The following UBR2 variants were observed in gnomAD, a reference collection of about 807,000 sequenced individuals.
UBR2 encodes the protein ubiquitin protein ligase E3 component n-recognin 2, also known as E3 ubiquitin-protein ligase UBR2.
In UBR2, 92 loss-of-function variants were observed where a neutral mutation model predicts 247.9. The ratio of observed to expected loss-of-function variants is 0.37; its 90% CI spans 0.31 to 0.44. The LOEUF is 0.44. UBR2 is among the 20% of genes least tolerant of loss of function. The pLI is 1.00. For synonymous variants in UBR2, 672 were observed against 693.5 expected, an observed-to-expected ratio of 0.97 and a Z score of 0.49; for missense variants, 1,613 against 2,112.6, an observed-to-expected ratio of 0.76 and a Z score of 4.64.
At chr6:42,670,436 G>C (rs1002974909) in intron 35 of UBR2, among the ~76,000 whole-genome samples, 196 bp downstream of exon 35, 2 of 152,176 alleles carry the variant, frequency 1.3e-5, no homozygotes, top group Admixed American at 1.3e-4. Flanking sequence ...CAGCAACAGA[G>C]AACTCTTGGT....
rs777863222 is a variant in UBR2, at chr6:42,658,026, C to G, written c.2875C>G (p.Pro959Ala). Residue 959 changes from proline (P) to alanine (A), a missense_variant and splice_region_variant, in exon 27 of 47, where the codon CCT (proline) becomes GCT (alanine). Pro to Ala is a conservative substitution (Grantham distance 27). Coordinates refer to ENST00000372901, the MANE Select transcript of UBR2 (RefSeq NM_001363705.2). The part of the protein sequence containing the change: ...TFTFTQKISK[P>A]GEAPKNSPSI... ...TGCCTTTTATTTTTCTGCCGTAGAA[C>G]CTGGTGAAGCGCCAAAAAATTCTCC... 6.2e-7 allele frequency: 1 copy of G among 1,612,578 alleles called. No individual in the cohort carries two copies. The highest frequency in any genetic ancestry group is 8.5e-7 in the Non-Finnish European group (1 of 1,178,924).
In UBR2 at chr6:42,564,214, C is replaced by T; in HGVS notation, c.-106C>T. The T allele has an allele frequency of 7.5e-7, 1 of 1,336,656 alleles. No homozygotes were observed. The highest frequency in any genetic ancestry group is 1.0e-6 in the Non-Finnish European group (1 of 959,954). 82.8% of individuals were successfully genotyped at this position (1,336,656 alleles called of 1,614,324 possible). A position where few individuals can be genotyped will look rare whatever the true frequency, so the allele number is the denominator to read the frequency against. On this transcript the variant is annotated 5_prime_UTR_variant, in exon 1 of 47. Transcript: ENST00000372901. ...TCCACCTGCAGCCACTTGGACGGCT[C>T]CGGGACTGATTGCCTGGGGCAGGGG...
chr6:42,577,995 G>A (rs1791634785), intron 2 of UBR2, among the ~76,000 whole-genome samples: 1 of 151,854 alleles, frequency 6.6e-6, no homozygotes, highest in South Asian at 2.1e-4. Flanking sequence ...ACACACATAA[G>A]GTGTAATGAT....
rs189040008 is a variant in UBR2 at position 42,570,688 on chromosome 6, T to C, written c.79-3046T>C. On this transcript the variant is annotated intron_variant, in intron 1 of 46. Coordinates refer to ENST00000372901, the MANE Select transcript of UBR2 (RefSeq NM_001363705.2). ...AAAGTGGCTAGTTTTTTTTTTGTTG[T>C]TTGTTTGTTTTTTGAGACAGGATCT... Among the ~76,000 whole-genome samples the C allele has an allele frequency of 6.9e-3, 1,046 of 151,070 alleles. 8 individuals are homozygous for C. The highest frequency in any genetic ancestry group is 0.023 in the African/African-American group (935 of 41,286).
chr6:42,581,065 G>A (rs1367841004), intron 2 of UBR2, among the ~76,000 whole-genome samples: 1 of 142,056 alleles, frequency 7.0e-6, no homozygotes, highest in Non-Finnish European at 1.5e-5. Flanking sequence ...CCAGGCTGGA[G>A]TGCAATGGCA....
rs1378716891 is a variant in UBR2, at chr6:42,619,438, TATATATATATATA to T, written c.1281+1932_1281+1944del. On this transcript the variant is annotated intron_variant, in intron 11 of 46. Transcript: ENST00000372901. The stretch of plus-strand genomic sequence containing the variant: ...ATATATATATATATATATATATATA[TATATATATATATA>T]TATTTTTTTTTTTTAGTTCTCTATC... 260 of 29,976 alleles carry T rather than the reference TATATATATATATA, an allele frequency of 8.7e-3. 24 individuals carry two copies. The highest frequency in any genetic ancestry group is 0.016 in the Admixed American group (36 of 2,268). 1.9% of individuals were successfully genotyped at this position (29,976 alleles called of 1,614,324 possible).
intron 11 of UBR2, among the ~76,000 whole-genome samples, chr6:42,623,705 C>T (rs1795148364): frequency 6.6e-6 from 1 of 152,156 alleles, no homozygotes; most frequent in Non-Finnish European, 1.5e-5. Context: ...CCTCCTCAGC[C>T]TCCCCAAGTG....
Position 42,689,917 on chromosome 6 carries a change from C to T in UBR2, c.5126+247C>T, listed in dbSNP as rs1799656744. The stretch of plus-strand genomic sequence containing the variant: ...GAGTGCAACTTTATTCCATTTATCA[C>T]TCCAAAGAACTGTTTGAATTGCCAT... On this transcript the variant is annotated intron_variant, in intron 46 of 46. Transcript: ENST00000372901. This position sits in a 1 kb window ranked among gnomAD's most constrained non-coding sequence, Gnocchi z 4.0. 6.6e-6 allele frequency among the ~76,000 whole-genome samples: 1 copy of T among 152,168 alleles called. No individual in the cohort carries two copies. Among genetic ancestry groups the T allele is most frequent in the South Asian group, 2.1e-4 (1 of 4,828 alleles).
intron 44 of UBR2, 164 bp from the exon 45 acceptor site, chr6:42,688,052 G>A (rs1278017342): frequency 1.4e-6 from 1 of 703,294 alleles, no homozygotes; most frequent in Non-Finnish European, 2.4e-6. Flanking sequence ...TGTGCAAGAT[G>A]TTTCCTATTC....
chr6:42,617,013 G>A (rs1366138981), intron 10 of UBR2, among the ~76,000 whole-genome samples: 2 of 152,206 alleles, frequency 1.3e-5, no homozygotes, highest in East Asian at 3.9e-4. Flanking sequence ...TATTTGGGCT[G>A]GTAAACTGCC....
At chr6:42,642,883 G>A (rs1796527053) in intron 18 of UBR2, among the ~76,000 whole-genome samples, 3 of 152,132 alleles carry the variant, frequency 2.0e-5, no homozygotes, top group Admixed American at 1.3e-4. Context: ...TCAGGACTGC[G>A]ATACTTAACT....
intron 22 of UBR2, among the ~76,000 whole-genome samples, chr6:42,649,036 C>G (rs1796947566): frequency 6.6e-6 from 1 of 152,072 alleles, no homozygotes; most frequent in Admixed American, 6.5e-5. Context: ...TCACTTCAGC[C>G]TGGGTAACAA....
intron 6 of UBR2, 127 bp from the exon 7 acceptor site, chr6:42,606,457 AGTAGG>A: frequency 2.8e-6 from 2 of 719,528 alleles, no homozygotes; most frequent in Non-Finnish European, 4.5e-6. Flanking sequence ...CTTATCAATG[AGTAGG>A]ATGAGCATTG....
At chr6:42,622,508 T>C (rs1212471029) in intron 11 of UBR2, among the ~76,000 whole-genome samples, 1 of 151,584 alleles carries the variant, frequency 6.6e-6, no homozygotes, top group Non-Finnish European at 1.5e-5. Flanking sequence ...TTAAAGTGAT[T>C]CTTCTGCCTC....
intron 2 of UBR2, among the ~76,000 whole-genome samples, chr6:42,579,699 G>A (rs1224429133): frequency 6.6e-6 from 1 of 152,132 alleles, no homozygotes; most frequent in Non-Finnish European, 1.5e-5. Flanking sequence ...TGTAGAAACA[G>A]AGTTTCCCTA....
At chr6:42,651,665 A>C (rs1464565006) in intron 23 of UBR2, among the ~76,000 whole-genome samples, 2 of 151,774 alleles carry the variant, frequency 1.3e-5, no homozygotes, top group Non-Finnish European at 2.9e-5. Flanking sequence ...CAATTTTTGT[A>C]TTTTTAGTAG....
intron 2 of UBR2, among the ~76,000 whole-genome samples, chr6:42,582,647 A>G (rs1434501431): frequency 6.6e-6 from 1 of 152,184 alleles, no homozygotes; most frequent in Non-Finnish European, 1.5e-5. Flanking sequence ...CAAAACAGGA[A>G]GACTGTGTTT....
chr6:42,655,106 T>C (rs1223091382), intron 25 of UBR2, among the ~76,000 whole-genome samples: 1 of 152,220 alleles, frequency 6.6e-6, no homozygotes, highest in Non-Finnish European at 1.5e-5. Flanking sequence ...TTCTTCCTCA[T>C]TGAAGTAGAA....
chr6:42,647,980 A>G (rs955577153), intron 21 of UBR2, 138 bp from the exon 22 acceptor site: 4 of 552,202 alleles, frequency 7.2e-6, no homozygotes, highest in African/African-American at 1.9e-5. Context: ...TGTATTTGCT[A>G]TGGAATCCTC....
Sources: allele counts gnomAD v4.1 joint callset (sites outside exome capture counted in the v4.1 genomes callset), GRCh38; gene constraint gnomAD v4.1.1; non-coding constraint Gnocchi (gnomAD v3.1); transcripts MANE v1.5; gene names NCBI Gene and HGNC (gene_info 2026-07-23, HGNC 2026-07-21).